PCDH15: variants seen among roughly 807,000 people sequenced by gnomAD.
PCDH15 encodes protocadherin related 15, also known as protocadherin-15.
Under a neutral mutation model 178.5 loss-of-function variants are expected in PCDH15, and 129 were observed. That is an observed-to-expected ratio of 0.72 (90% CI 0.63 to 0.84). The LOEUF (loss-of-function observed/expected upper bound fraction) is 0.84, where lower values mean the gene tolerates loss of function less well. PCDH15 is among the 40% of genes least tolerant of loss of function. The pLI is 0.00. For synonymous variants in PCDH15, 800 were observed against 732.0 expected (o/e 1.09, Z -1.50); for missense variants, 2,230 against 2,099.9 (o/e 1.06, Z -1.21).
intron 1 of PCDH15, among the ~76,000 whole-genome samples, chr10:54,712,578 AG>A (rs988355322): frequency 6.6e-6 from 1 of 151,988 alleles, no homozygotes. Context: ...ATGGAATTAT[AG>A]GTTGATGGGT....
At chr10:53,953,815 A>C (rs1478880623) in intron 23 of PCDH15, among the ~76,000 whole-genome samples, 3 of 152,094 alleles carry the variant, frequency 2.0e-5, no homozygotes, top group East Asian at 3.9e-4. Context: ...TCTGAGACGA[A>C]GTCTTGCTCT....
intron 9 of PCDH15, among the ~76,000 whole-genome samples, chr10:54,221,759 C>T (rs1210155604): frequency 4.6e-5 from 7 of 152,078 alleles, no homozygotes; most frequent in Non-Finnish European, 7.4e-5. Flanking sequence ...CCCACCACCA[C>T]GCCCAGCTAA....
At chr10:54,452,717 T>C (rs2076556174) in intron 3 of PCDH15, among the ~76,000 whole-genome samples, 1 of 152,102 alleles carries the variant, frequency 6.6e-6, no homozygotes, top group Admixed American at 6.6e-5. Context: ...AAAGTTCCTG[T>C]TTATAGATGC....
intron 2 of PCDH15, among the ~76,000 whole-genome samples, chr10:55,596,789 A>C (rs1247196865): frequency 1.3e-5 from 2 of 152,184 alleles, no homozygotes; most frequent in African/African-American, 4.8e-5. Flanking sequence ...TCAAACAAAC[A>C]AACAAAAGCA....
intron 2 of PCDH15, among the ~76,000 whole-genome samples, chr10:55,164,180 A>G (rs768102954): frequency 1.2e-4 from 18 of 152,086 alleles, no homozygotes; most frequent in Non-Finnish European, 2.4e-4. Flanking sequence ...AAGCCTTTAC[A>G]TGAGAAAAAA....
intron 2 of PCDH15, among the ~76,000 whole-genome samples, chr10:55,029,287 T>A (rs937871965): frequency 6.6e-6 from 1 of 152,090 alleles, no homozygotes; most frequent in Admixed American, 6.6e-5. Context: ...GTATCTGTTA[T>A]GTTTTATATA....
chr10:55,194,968 G>A (rs551479593), intron 1 of PCDH15, among the ~76,000 whole-genome samples: 3 of 151,772 alleles, frequency 2.0e-5, no homozygotes, highest in Admixed American at 6.6e-5. Flanking sequence ...TCAGTCATTC[G>A]CTCTGCTTTG....
At position 55,044,788 on chromosome 10, in the gene PCDH15, T is replaced by C. The variant is rs544125773; in HGVS notation, c.-80+121788A>G. On this transcript the variant is annotated intron_variant, in intron 2 of 5. Transcript: ENST00000458638. ...ATTTTATCACTAAACAAATGCTTAT[T>C]GAAGGCTTGCCATGTGTTAGGTGTT... 2.0e-5 allele frequency among the ~76,000 whole-genome samples: 3 copies of C among 152,204 alleles called. No homozygotes were observed. In the South Asian group the frequency reaches 6.2e-4, roughly 32 times the overall value.
intron 1 of PCDH15, among the ~76,000 whole-genome samples, chr10:55,177,179 C>CTAAAT (rs1160023315): frequency 6.6e-6 from 1 of 152,122 alleles, no homozygotes; most frequent in African/African-American, 2.4e-5. Context: ...TTTCCCTCCC[C>CTAAAT]TAAATCTTCA....
chr10:55,467,316 C>T (rs1839850940), intron 2 of PCDH15, among the ~76,000 whole-genome samples: 2 of 150,994 alleles, frequency 1.3e-5, no homozygotes. Context: ...GCTGTACACT[C>T]ACTCCCATGA....
intron 2 of PCDH15, among the ~76,000 whole-genome samples, chr10:55,452,004 T>C (rs569211946): frequency 2.6e-5 from 4 of 152,182 alleles, no homozygotes; most frequent in Non-Finnish European, 5.9e-5. Context: ...ATAAATGTAT[T>C]TTAAGTATTG....
chr10:54,721,748 G>T (rs1016770901), intron 1 of PCDH15, among the ~76,000 whole-genome samples: 1 of 151,406 alleles, frequency 6.6e-6, no homozygotes, highest in Non-Finnish European at 1.5e-5. Flanking sequence ...ACAACAAAAA[G>T]TCCAAGAACA....
At chr10:54,679,754 A>T (rs57629813) in intron 1 of PCDH15, among the ~76,000 whole-genome samples, 19,908 of 152,150 alleles carry the variant, frequency 0.13, 1,969 homozygotes, top group African/African-American at 0.27. Flanking sequence ...TGTTTAAACT[A>T]CCATTAGAAG....
intron 8 of PCDH15, among the ~76,000 whole-genome samples, chr10:54,316,257 G>C (rs528121355): frequency 2.0e-5 from 3 of 151,952 alleles, no homozygotes; most frequent in Non-Finnish European, 4.4e-5. Flanking sequence ...AAAACCAATA[G>C]ATGTATTAAT....
rs7894786 is a variant in PCDH15 at position 54,436,103 on chromosome 10, G to A, written c.158-57161C>T. Among the ~76,000 whole-genome samples, 1,220 of 148,176 alleles carry A rather than the reference G, an allele frequency of 8.2e-3. 35 individuals are homozygous for A. The highest frequency in any genetic ancestry group is 0.029 in the African/African-American group (1,157 of 39,292). On this transcript the variant is annotated intron_variant, in intron 3 of 37. Coordinates refer to ENST00000644397, the MANE Select transcript of PCDH15 (RefSeq NM_001384140.1). ...GGAAGGAGGGAAGGAGGGAAGGAGG[G>A]AAGGAAGGAAAGAAGGAAAGAAAGA...
intron 2 of PCDH15, among the ~76,000 whole-genome samples, chr10:54,579,324 A>G (rs1272565543): frequency 6.6e-6 from 1 of 152,134 alleles, no homozygotes; most frequent in African/African-American, 2.4e-5. Flanking sequence ...ATGAAAAACA[A>G]AAAAGAACAA....
At chr10:55,389,676 A>G (rs1837747147) in intron 2 of PCDH15, among the ~76,000 whole-genome samples, 1 of 152,078 alleles carries the variant, frequency 6.6e-6, no homozygotes, top group Non-Finnish European at 1.5e-5. Flanking sequence ...TTATCTTCAT[A>G]AGAGAAATAT....
intron 25 of PCDH15, among the ~76,000 whole-genome samples, chr10:53,927,210 G>A (rs1186867407): frequency 6.6e-6 from 1 of 151,806 alleles, no homozygotes; most frequent in African/African-American, 2.4e-5. Flanking sequence ...AGAATTACAA[G>A]GGGACCCACA....
intron 26 of PCDH15, 118 bp from the exon 27 acceptor site, chr10:53,866,975 C>T: frequency 1.4e-6 from 1 of 730,144 alleles, no homozygotes; most frequent in East Asian, 2.6e-5. Context: ...CACAATAAAG[C>T]CCTCCTAAAT....
Sources: allele counts gnomAD v4.1 joint callset (sites outside exome capture counted in the v4.1 genomes callset), GRCh38; gene constraint gnomAD v4.1.1; transcripts MANE v1.5; gene names NCBI Gene and HGNC (gene_info 2026-07-23, HGNC 2026-07-21).